Variants in HERC3 observed in about 807,000 individuals in gnomAD.
The protein encoded by HERC3 is HECT and RLD domain containing E3 ubiquitin protein ligase 3, also known as probable E3 ubiquitin-protein ligase HERC3.
Under a neutral mutation model 129.9 loss-of-function variants are expected in HERC3, and 58 were observed. The ratio of observed to expected loss-of-function variants is 0.45; its 90% CI spans 0.36 to 0.56. The LOEUF (loss-of-function observed/expected upper bound fraction) is 0.56, where lower values mean the gene tolerates loss of function less well. HERC3 is among the 20% of genes least tolerant of loss of function. The probability of loss-of-function intolerance (pLI) is 0.00; values close to 1 mark genes in which losing one functional copy is unlikely to be tolerated. For synonymous variants in HERC3, 430 were observed against 451.0 expected, an observed-to-expected ratio of 0.95 and a Z score of 0.59; for missense variants, 835 against 1,244.2, an observed-to-expected ratio of 0.67 and a Z score of 4.95.
At chr4:88,631,787 C>G (rs745458877) in intron 3 of HERC3, among the ~76,000 whole-genome samples, 1 of 152,108 alleles carries the variant, frequency 6.6e-6, no homozygotes, top group South Asian at 2.1e-4. Flanking sequence ...TAAAAGGACA[C>G]AAAGCAGGGA....
the HERC3 span, among the ~76,000 whole-genome samples, chr4:88,560,962 G>T: frequency 6.6e-6 from 1 of 152,166 alleles, no homozygotes; most frequent in Admixed American, 6.5e-5. Flanking sequence ...TTCTATGCCA[G>T]TATATACTGT....
In HERC3 at chr4:88,690,238, T is replaced by G. The variant is rs903155274; in HGVS notation, c.2657+2939T>G. 3 of 979,126 alleles carry G rather than the reference T, an allele frequency of 3.1e-6. No individual in the cohort carries two copies. The East Asian group carries it at 3.4e-4, about 112-fold the overall frequency. The allele number at this position is 979,126 out of a possible 1,614,324, so 60.7% of individuals were successfully genotyped here. A position where few individuals can be genotyped will look rare whatever the true frequency, so the allele number is the denominator to read the frequency against. On this transcript the variant is annotated intron_variant, in intron 23 of 25. Transcript: ENST00000402738. ...GTAAATAATTTATCTTCAGGATGTT[T>G]ATTTCCTTAATAAGACCAGGCTTTT...
intron 23 of HERC3, among the ~76,000 whole-genome samples, chr4:88,701,897 G>T (rs1319441580): frequency 1.3e-5 from 2 of 151,392 alleles, no homozygotes; most frequent in African/African-American, 4.9e-5. Context: ...TGACCTCCTG[G>T]GCTCAGGTGA....
intron 3 of HERC3, among the ~76,000 whole-genome samples, chr4:88,614,671 A>G (rs1724707669): frequency 6.6e-6 from 1 of 152,054 alleles, no homozygotes; most frequent in Non-Finnish European, 1.5e-5. Context: ...AGGCTGATGT[A>G]TTTTGTCTTG....
chr4:88,565,278 A>G, the HERC3 span, among the ~76,000 whole-genome samples: 3 of 151,998 alleles, frequency 2.0e-5, no homozygotes, highest in Non-Finnish European at 4.4e-5. Context: ...ATTAAGTCCA[A>G]TGTTGCTTTG....
chr4:88,560,040 A>C, the HERC3 span, among the ~76,000 whole-genome samples: 3 of 150,920 alleles, frequency 2.0e-5, no homozygotes, highest in Admixed American at 2.0e-4. Flanking sequence ...GCTCACTGCA[A>C]CCTCCACCTC....
At chr4:88,541,236 A>C in the HERC3 span, among the ~76,000 whole-genome samples, 5 of 152,256 alleles carry the variant, frequency 3.3e-5, no homozygotes, top group South Asian at 1.0e-3. Context: ...AAATAATGGG[A>C]TGGAGGAAGA....
In HERC3 at chr4:88,697,503, G is replaced by C. The variant is rs768223823; in HGVS notation, c.2658-6595G>C. On this transcript the variant is annotated intron_variant, in intron 23 of 25. Transcript: ENST00000402738. Reference sequence around the variant, plus strand: ...TATCGCATCGCTTCTGCAGCTTTTTGAGGGCCAGGACTCGGCATTTCACCG... The same window carrying C: ...TATCGCATCGCTTCTGCAGCTTTTTCAGGGCCAGGACTCGGCATTTCACCG... The C allele has an allele frequency of 5.0e-6, 8 of 1,614,082 alleles. No homozygotes were observed. In the South Asian group the frequency reaches 8.8e-5, roughly 18 times the overall value.
chr4:88,605,369 A>T (rs1363065081), intron 2 of HERC3, among the ~76,000 whole-genome samples: 1 of 152,190 alleles, frequency 6.6e-6, no homozygotes, highest in Non-Finnish European at 1.5e-5. Flanking sequence ...TTGGTTCAAA[A>T]TTTTTTAAAA....
chr4:88,527,255 C>CT, the HERC3 span: 874 of 142,872 alleles, frequency 6.1e-3, 3 homozygotes, highest in African/African-American at 7.7e-3. Context: ...CTCTTTCTTT[C>CT]TTTTTTTTTT....
At chr4:88,684,751 A>G (rs1481800239) in intron 21 of HERC3, 2 of 152,276 alleles carry the variant, frequency 1.3e-5, no homozygotes, top group African/African-American at 2.4e-5. Context: ...TCCAGAATCT[A>G]CAAGGAACTT....
intron 2 of HERC3, among the ~76,000 whole-genome samples, chr4:88,597,180 G>C (rs578052459): frequency 6.6e-6 from 1 of 152,262 alleles, no homozygotes; most frequent in South Asian, 2.1e-4. Flanking sequence ...TGGACTGTAA[G>C]ATAGCCACTA....
chr4:88,633,883 G>C (rs1249998465), intron 3 of HERC3, among the ~76,000 whole-genome samples: 2 of 152,160 alleles, frequency 1.3e-5, no homozygotes, highest in Non-Finnish European at 2.9e-5. Flanking sequence ...CTTAAAGTAG[G>C]CAAAGAAAGT....
chr4:88,671,821 G>A (rs1731650148), intron 16 of HERC3, among the ~76,000 whole-genome samples: 1 of 152,124 alleles, frequency 6.6e-6, no homozygotes, highest in Admixed American at 6.6e-5. Context: ...ACTGTGCCTG[G>A]CCAGGAAAAT....
chr4:88,634,389 C>T (rs771273369), intron 3 of HERC3, among the ~76,000 whole-genome samples: 10 of 152,214 alleles, frequency 6.6e-5, no homozygotes, highest in Non-Finnish European at 1.5e-4. Context: ...AAGCCACCTA[C>T]GCTCCTTGTG....
Position 88,704,272 on chromosome 4 carries a change from A to G in HERC3, c.2832A>G (p.Glu944=), listed in dbSNP as rs1377517979. ...MVGNSNYNWE[E]LEETAIYKGD... ...GGAACAGCAACTACAACTGGGAAGAACTGGAAGAGGTAAGCACAAAAGATC... is the reference window on the plus strand; with the variant it reads ...GGAACAGCAACTACAACTGGGAAGAGCTGGAAGAGGTAAGCACAAAAGATC... The change falls in exon 24 of 26, where the codon GAA becomes GAG. Residue 944 remains glutamate, a synonymous_variant. Transcript: ENST00000402738. 6.2e-7 allele frequency: 1 copy of G among 1,613,954 alleles called. No individual in the cohort carries two copies. The highest frequency in any genetic ancestry group is 1.3e-5 in the African/African-American group (1 of 74,918).
At chr4:88,599,709 C>A (rs1016202354) in intron 2 of HERC3, among the ~76,000 whole-genome samples, 4 of 152,178 alleles carry the variant, frequency 2.6e-5, no homozygotes, top group African/African-American at 9.7e-5. Context: ...AGTATTCTAT[C>A]CCTGTAGTAG....
intron 2 of HERC3, 116 bp from the exon 3 acceptor site, chr4:88,605,679 A>C: frequency 1.7e-6 from 1 of 586,108 alleles, no homozygotes; most frequent in Non-Finnish European, 3.0e-6. Flanking sequence ...GAGTTGTAAG[A>C]TATCTGAAGA....
chr4:88,616,923 C>T (rs1724962923), intron 3 of HERC3, among the ~76,000 whole-genome samples: 1 of 152,052 alleles, frequency 6.6e-6, no homozygotes, highest in Admixed American at 6.5e-5. Flanking sequence ...CTCTAGCCTA[C>T]TAGTGTGGGT....
Sources: gnomAD v4.1 joint callset for allele counts (sites outside exome capture counted in the v4.1 genomes callset) on GRCh38, gnomAD v4.1.1 for gene constraint, MANE v1.5 for transcripts, NCBI Gene and HGNC (gene_info 2026-07-23, HGNC 2026-07-21) for gene names.